Variants in FOXK2 observed in about 807,000 individuals in gnomAD.
FOXK2 encodes forkhead box protein K2.
Under a neutral mutation model 53.3 loss-of-function variants are expected in FOXK2, and 24 were observed. That is an observed-to-expected ratio of 0.45 (90% CI 0.33 to 0.63). FOXK2 has a LOEUF of 0.63. Ranked by LOEUF, FOXK2 falls within the 30% of genes least tolerant of loss-of-function variation. The pLI, the probability that FOXK2 is intolerant of heterozygous loss-of-function variation, is 0.03. For missense variants in FOXK2, 952 were observed against 910.5 expected, an observed-to-expected ratio of 1.05 and a Z score of -0.59; for synonymous variants, 505 against 407.1, an observed-to-expected ratio of 1.24 and a Z score of -2.89.
chr17:82,592,675 T>C (rs1431648486), intron 8 of FOXK2, among the ~76,000 whole-genome samples: 6 of 152,252 alleles, frequency 3.9e-5, no homozygotes, highest in African/African-American at 1.4e-4. Flanking sequence ...AGTTACGTGG[T>C]CCTCAAATAT....
intron 7 of FOXK2, among the ~76,000 whole-genome samples, 191 bp from the exon 8 acceptor site, chr17:82,586,872 G>A (rs2045182084): frequency 6.6e-6 from 1 of 152,114 alleles, no homozygotes; most frequent in Non-Finnish European, 1.5e-5. Context: ...TTGGACTCCA[G>A]CTTGGGTAAC....
intron 1 of FOXK2, among the ~76,000 whole-genome samples, chr17:82,549,679 T>A (rs1462688909): frequency 6.6e-6 from 1 of 152,234 alleles, no homozygotes; most frequent in Non-Finnish European, 1.5e-5. Flanking sequence ...AAACTCTGGA[T>A]GCTCGATAGC....
At chr17:82,571,349 C>T (rs1170215957) in intron 3 of FOXK2, among the ~76,000 whole-genome samples, 1 of 151,938 alleles carries the variant, frequency 6.6e-6, no homozygotes. Flanking sequence ...ACCCGTAATC[C>T]CAGCACGTTG....
rs1246637190 is a variant in FOXK2 at position 82,574,312 on chromosome 17, ACT to A, written c.909+2451_909+2452del. ...AGATTCCTCCTAGTTCATGGACATT[ACT>A]CTCTCTCTTTTTTTTTTTTTTTTGA... On this transcript the variant is annotated intron_variant, in intron 4 of 8. Transcript: ENST00000335255. 4.1e-3 allele frequency among the ~76,000 whole-genome samples: 575 copies of A among 138,560 alleles called. 1 individual carries two copies. Among genetic ancestry groups the A allele is most frequent in the Non-Finnish European group, 5.7e-3 (373 of 65,322 alleles). 90.9% of individuals were successfully genotyped at this position (138,560 alleles called of 152,430 possible). A position where few individuals can be genotyped will look rare whatever the true frequency, so the allele number is the denominator to read the frequency against.
rs754376099 is a variant in FOXK2 at position 82,587,126 on chromosome 17, A to T, written c.1640A>T (p.Gln547Leu). The change falls in exon 8 of 9, where the codon CAG becomes CTG. Residue 547 changes from glutamine (Q) to leucine (L), a missense_variant. Gln to Leu is a moderately radical substitution (Grantham distance 113). Transcript: ENST00000335255. ...CTCGGCACTGCCAGCCGGATCATTC[A>T]GACGGCACAGACCACCCCGGTCCAG... ...ATLGTASRII[Q>L]TAQTTPVQTV... 1 of 1,613,138 alleles carries T rather than the reference A, an allele frequency of 6.2e-7. No homozygotes were observed. Among genetic ancestry groups the T allele is most frequent in the Non-Finnish European group, 8.5e-7 (1 of 1,180,036 alleles).
rs117409534 is a variant in FOXK2, at chr17:82,585,453, T to C, written c.1280-451T>C. On this transcript the variant is annotated intron_variant, in intron 6 of 8. Coordinates refer to ENST00000335255, the MANE Select transcript of FOXK2 (RefSeq NM_004514.4). ...AATCCGCCCTCCTCAGTCTCCTAAA[T>C]AGCTGGGGCTGTAGGCGCACAGTAA... 5.3e-5 allele frequency among the ~76,000 whole-genome samples: 8 copies of C among 152,230 alleles called. No individual in the cohort carries two copies. In the East Asian group the frequency reaches 1.4e-3, roughly 26 times the overall value.
chr17:82,572,609 A>G (rs1479260615), intron 4 of FOXK2, among the ~76,000 whole-genome samples: 3 of 151,774 alleles, frequency 2.0e-5, no homozygotes, highest in Non-Finnish European at 4.4e-5. Flanking sequence ...CTGGATGTAT[A>G]TGAGAATCTT....
At chr17:82,558,685 G>A (rs995585108) in intron 1 of FOXK2, among the ~76,000 whole-genome samples, 1 of 152,188 alleles carries the variant, frequency 6.6e-6, no homozygotes, top group African/African-American at 2.4e-5. Flanking sequence ...AGAAGTTCAG[G>A]GTGGACATGG....
intron 3 of FOXK2, among the ~76,000 whole-genome samples, chr17:82,568,422 C>T (rs2044876197): frequency 6.6e-6 from 1 of 152,210 alleles, no homozygotes; most frequent in East Asian, 1.9e-4. Flanking sequence ...TAGGGTCTCC[C>T]TAATAGCTGT....
At position 82,533,947 on chromosome 17, in the gene FOXK2, C is replaced by T. The variant is rs141225461; in HGVS notation, c.419+13640C>T. ...CCAAGAGGTGGAGGCTATAGGGAGCCGAGATCACACCGGTGCACTCCAGCC... is the reference window on the plus strand; with the variant it reads ...CCAAGAGGTGGAGGCTATAGGGAGCTGAGATCACACCGGTGCACTCCAGCC... On this transcript the variant is annotated intron_variant, in intron 1 of 8. Transcript: ENST00000335255. Among the ~76,000 whole-genome samples the T allele has an allele frequency of 1.5e-3, 220 of 150,578 alleles. 1 individual carries two copies. Among genetic ancestry groups the T allele is most frequent in the African/African-American group, 5.2e-3 (213 of 40,898 alleles).
intron 1 of FOXK2, among the ~76,000 whole-genome samples, chr17:82,560,833 C>A (rs908148069): frequency 6.6e-6 from 1 of 152,080 alleles, no homozygotes. Flanking sequence ...TGGTGGCATG[C>A]GCCTCTAGTC....
chr17:82,522,041 CTTTTTTTTTTTT>C (rs924582731), intron 1 of FOXK2, among the ~76,000 whole-genome samples: 17 of 107,268 alleles, frequency 1.6e-4, no homozygotes, highest in Admixed American at 7.1e-4. Context: ...TTTAATCTGA[CTTTTTTTTTTTT>C]TTTTTTTTTT....
chr17:82,550,214 A>G (rs779170384), intron 1 of FOXK2, among the ~76,000 whole-genome samples: 1 of 152,210 alleles, frequency 6.6e-6, no homozygotes, highest in Non-Finnish European at 1.5e-5. Context: ...ACACACACAC[A>G]CAAAGAGCTT....
At chr17:82,591,060 C>G (rs942303082) in intron 8 of FOXK2, among the ~76,000 whole-genome samples, 11 of 152,200 alleles carry the variant, frequency 7.2e-5, no homozygotes, top group Admixed American at 6.5e-5. Flanking sequence ...GAAGACAGTG[C>G]TGACAGATGG....
At chr17:82,529,302 A>T (rs983945738) in intron 1 of FOXK2, among the ~76,000 whole-genome samples, 2 of 135,478 alleles carry the variant, frequency 1.5e-5, no homozygotes, top group South Asian at 2.3e-4. Context: ...GGCTCATTGC[A>T]GTGTCCACCT....
chr17:82,549,120 C>G (rs1196685308), intron 1 of FOXK2, among the ~76,000 whole-genome samples: 2 of 152,192 alleles, frequency 1.3e-5, no homozygotes, highest in Non-Finnish European at 2.9e-5. Flanking sequence ...GAGAATGTGT[C>G]TTTGTTTTAC....
intron 6 of FOXK2, 37 bp downstream of exon 6, chr17:82,584,225 C>A: frequency 6.5e-7 from 1 of 1,539,960 alleles, no homozygotes; most frequent in Non-Finnish European, 8.7e-7. Context: ...GCCCCAACAG[C>A]GTGAGCCAGA....
intron 8 of FOXK2, among the ~76,000 whole-genome samples, chr17:82,590,142 G>C (rs1347221403): frequency 6.6e-6 from 1 of 152,118 alleles, no homozygotes; most frequent in Non-Finnish European, 1.5e-5. Context: ...GCCCAGTTGA[G>C]CAGATGAGAG....
intron 8 of FOXK2, among the ~76,000 whole-genome samples, chr17:82,592,224 G>C (rs937550105): frequency 3.9e-5 from 6 of 152,104 alleles, no homozygotes; most frequent in African/African-American, 1.4e-4. Flanking sequence ...GTTTTGATTT[G>C]GGAGTTCGGG....
Sources: gnomAD v4.1 joint callset for allele counts (sites outside exome capture counted in the v4.1 genomes callset) on GRCh38, gnomAD v4.1.1 for gene constraint, MANE v1.5 for transcripts, NCBI Gene and HGNC (gene_info 2026-07-23, HGNC 2026-07-21) for gene names.